The following ADAMTSL3 variants were observed in gnomAD, a reference collection of about 807,000 sequenced individuals.
The protein encoded by ADAMTSL3 is ADAMTS like 3.
ADAMTSL3 carries 128 observed loss-of-function variants against 201.7 expected under a neutral mutation model. That is an observed-to-expected ratio of 0.63 (90% CI 0.55 to 0.73). The LOEUF (loss-of-function observed/expected upper bound fraction) is 0.73. Ranked by LOEUF, ADAMTSL3 falls within the 30% of genes least tolerant of loss-of-function variation. The pLI is 0.00. For missense variants in ADAMTSL3, 1,990 were observed against 2,119.6 expected (o/e 0.94, Z 1.20); for synonymous variants, 738 against 748.4 (o/e 0.99, Z 0.23).
chr15:83,702,732 A>G (rs2061793758), intron 2 of ADAMTSL3, among the ~76,000 whole-genome samples: 3 of 152,236 alleles, frequency 2.0e-5, no homozygotes, highest in Non-Finnish European at 2.9e-5. Flanking sequence ...ATGCCCAGGC[A>G]AAAGTTTGCT....
intron 8 of ADAMTSL3, chr15:83,862,267 A>G (rs1255179674): frequency 1.3e-5 from 2 of 152,214 alleles, no homozygotes; most frequent in Non-Finnish European, 2.9e-5. Context: ...AAATACAGAG[A>G]ATGCCACAAA....
At position 83,942,660 on chromosome 15, in the gene ADAMTSL3, G is replaced by A. The variant is rs568980666; in HGVS notation, c.2182G>A (p.Val728Met). 2.5e-6 allele frequency: 4 copies of A among 1,614,012 alleles called. No individual in the cohort carries two copies. The highest frequency in any genetic ancestry group is 3.3e-5 in the Admixed American group (2 of 60,010). The change falls in exon 18 of 30, where the codon GTG becomes ATG. Residue 728 changes from valine to methionine, a missense_variant. Coordinates refer to ENST00000286744, the MANE Select transcript of ADAMTSL3 (RefSeq NM_207517.3). ...TCGVGIQTRD[V>M]YCLHPGETPA... ...TGGAGTTGGAATTCAGACCCGAGAT[G>A]TGTACTGCCTGCACCCAGGGGAGAC...
intron 19 of ADAMTSL3, among the ~76,000 whole-genome samples, chr15:83,952,258 C>T (rs2066771505): frequency 6.6e-6 from 1 of 152,124 alleles, no homozygotes; most frequent in South Asian, 2.1e-4. Flanking sequence ...TGTATTTGTA[C>T]ATTTTCCAAA....
At chr15:83,903,242 C>CTTTTTTTTTTTT (rs3044648) in intron 15 of ADAMTSL3, among the ~76,000 whole-genome samples, 1 of 133,488 alleles carries the variant, frequency 7.5e-6, no homozygotes, top group African/African-American at 2.9e-5. Context: ...GCTGCCAGAT[C>CTTTTTTTTTTTT]TTTTTTTTTT....
intron 4 of ADAMTSL3, among the ~76,000 whole-genome samples, chr15:83,777,670 A>T (rs552713713): frequency 6.6e-6 from 1 of 152,212 alleles, no homozygotes; most frequent in Admixed American, 6.5e-5. Flanking sequence ...AAAGATGAGA[A>T]AGAATCAGCA....
chr15:83,867,018 T>C (rs1244498515), intron 8 of ADAMTSL3, among the ~76,000 whole-genome samples: 2 of 152,228 alleles, frequency 1.3e-5, no homozygotes, highest in Non-Finnish European at 2.9e-5. Flanking sequence ...CTTCATTTAC[T>C]AAGGACTTAG....
At position 83,891,417 on chromosome 15, in the gene ADAMTSL3, G is replaced by A. The variant is rs775300698; in HGVS notation, c.1262+38G>A. 13 of 1,570,962 alleles carry A rather than the reference G, an allele frequency of 8.3e-6. 1 individual carries two copies. The South Asian group carries it at 1.3e-4, about 16-fold the overall frequency. On this transcript the variant is annotated intron_variant, in intron 12 of 29. Coordinates refer to ENST00000286744, the MANE Select transcript of ADAMTSL3 (RefSeq NM_207517.3). ...TTTCCTTTTCCTTTTTGCAATTTAA[G>A]TAGTTTGCAAGGAACTGTAGCATCT...
intron 23 of ADAMTSL3, among the ~76,000 whole-genome samples, chr15:84,011,212 G>T (rs1027935730): frequency 6.6e-6 from 1 of 152,132 alleles, no homozygotes; most frequent in Non-Finnish European, 1.5e-5. Context: ...AGCTTTAAAT[G>T]ATTTACTTTA....
intron 7 of ADAMTSL3, among the ~76,000 whole-genome samples, chr15:83,840,953 G>A (rs1358613386): frequency 1.3e-5 from 2 of 152,166 alleles, no homozygotes; most frequent in Non-Finnish European, 2.9e-5. Context: ...TGCCTACTTG[G>A]CTGCAAAGTC....
chr15:83,787,444 G>T (rs1178385344), intron 4 of ADAMTSL3, among the ~76,000 whole-genome samples: 1 of 152,154 alleles, frequency 6.6e-6, no homozygotes, highest in African/African-American at 2.4e-5. Flanking sequence ...TGTGGGATAG[G>T]TAAGGATGGG....
intron 3 of ADAMTSL3, among the ~76,000 whole-genome samples, chr15:83,734,355 T>C (rs1357194296): frequency 2.6e-5 from 4 of 152,226 alleles, no homozygotes; most frequent in African/African-American, 9.6e-5. Context: ...TGATAGTTAA[T>C]GACACTGGCA....
At chr15:84,011,090 T>C (rs888589167) in intron 23 of ADAMTSL3, among the ~76,000 whole-genome samples, 1 of 152,236 alleles carries the variant, frequency 6.6e-6, no homozygotes, top group African/African-American at 2.4e-5. Flanking sequence ...GAGTCTTACA[T>C]AGAGTAGGCA....
chr15:83,949,463 G>A (rs1490511412), intron 19 of ADAMTSL3, among the ~76,000 whole-genome samples: 1 of 152,046 alleles, frequency 6.6e-6, no homozygotes, highest in African/African-American at 2.4e-5. Flanking sequence ...TACGGCTGTG[G>A]TATACATGGG....
At chr15:83,718,927 C>T (rs1055328979) in intron 3 of ADAMTSL3, among the ~76,000 whole-genome samples, 9 of 152,006 alleles carry the variant, frequency 5.9e-5, no homozygotes, top group African/African-American at 9.7e-5. Flanking sequence ...GATAACCAAA[C>T]AGTAGATGAG....
At chr15:83,857,904 CAG>C (rs1478875473) in intron 7 of ADAMTSL3, among the ~76,000 whole-genome samples, 4 of 152,156 alleles carry the variant, frequency 2.6e-5, no homozygotes, top group African/African-American at 7.2e-5. Flanking sequence ...AGACAATCTT[CAG>C]AGAGGGGACT....
chr15:83,735,118 G>A (rs1374652406), intron 3 of ADAMTSL3, among the ~76,000 whole-genome samples: 1 of 152,082 alleles, frequency 6.6e-6, no homozygotes, highest in Non-Finnish European at 1.5e-5. Flanking sequence ...ATTAAACAAA[G>A]CAGTCTATCA....
chr15:83,747,732 C>T (rs1182715970), intron 3 of ADAMTSL3, among the ~76,000 whole-genome samples: 2 of 152,038 alleles, frequency 1.3e-5, no homozygotes, highest in Non-Finnish European at 2.9e-5. Flanking sequence ...GGCTGTGGTG[C>T]AGTTTTGTTT....
chr15:83,686,799 G>T (rs1242066860), intron 2 of ADAMTSL3, among the ~76,000 whole-genome samples: 1 of 152,144 alleles, frequency 6.6e-6, no homozygotes, highest in Non-Finnish European at 1.5e-5. Context: ...TTTTAGGGAA[G>T]TAAGAACTAC....
intron 3 of ADAMTSL3, among the ~76,000 whole-genome samples, chr15:83,755,824 G>C (rs2141685934): frequency 6.6e-6 from 1 of 151,822 alleles, no homozygotes; most frequent in East Asian, 1.9e-4. Context: ...CATGATCTCA[G>C]CTCACTACAA....
Sources: allele counts gnomAD v4.1 joint callset (sites outside exome capture counted in the v4.1 genomes callset), GRCh38; gene constraint gnomAD v4.1.1; transcripts MANE v1.5; gene names NCBI Gene and HGNC (gene_info 2026-07-23, HGNC 2026-07-21).